SQOR: variants seen among roughly 807,000 people sequenced by gnomAD.
The protein encoded by SQOR is sulfide:quinone oxidoreductase, mitochondrial.
Under a neutral mutation model 48.6 loss-of-function variants are expected in SQOR, and 39 were observed. The observed-to-expected ratio is 0.80, with a 90% CI of 0.62 to 1.05. The LOEUF (loss-of-function observed/expected upper bound fraction) is 1.05. Among genes scored for constraint, SQOR ranks in the 50% least tolerant of loss-of-function variants. The pLI is 0.00. For synonymous variants in SQOR, 220 were observed against 206.2 expected, an observed-to-expected ratio of 1.07 and a Z score of -0.57; for missense variants, 561 against 559.9, an observed-to-expected ratio of 1.00 and a Z score of -0.02.
At chr15:45,681,761 A>G (rs944094756) in intron 6 of SQOR, among the ~76,000 whole-genome samples, 1 of 152,182 alleles carries the variant, frequency 6.6e-6, no homozygotes, top group East Asian at 1.9e-4. Flanking sequence ...AAAAAATTAA[A>G]TGAGCCCTCA....
intron 1 of SQOR, among the ~76,000 whole-genome samples, chr15:45,651,975 C>T (rs113326025): frequency 0.011 from 1,623 of 150,794 alleles, 14 homozygotes; most frequent in Admixed American, 0.015. Flanking sequence ...TGCAACCCCC[C>T]GCCTCCTGGG....
chr15:45,686,124 G>A (rs1890219731), intron 7 of SQOR, among the ~76,000 whole-genome samples: 2 of 151,686 alleles, frequency 1.3e-5, no homozygotes, highest in African/African-American at 4.8e-5. Context: ...GGGATTATAG[G>A]CATTAGCCAC....
chr15:45,666,856 TCTCCCCTCCC>T (rs1187082458), intron 3 of SQOR, among the ~76,000 whole-genome samples: 2 of 10,756 alleles, frequency 1.9e-4, no homozygotes, highest in South Asian at 9.6e-3. Context: ...CCTCCTCTCC[TCTCCCCTCCC>T]CTCCCCTCCC....
chr15:45,650,584 T>G (rs1298195847), intron 1 of SQOR, among the ~76,000 whole-genome samples: 5 of 152,204 alleles, frequency 3.3e-5, no homozygotes, highest in South Asian at 4.1e-4. Flanking sequence ...CTGCCACCGC[T>G]CGCTCGGGCA....
intron 7 of SQOR, among the ~76,000 whole-genome samples, chr15:45,684,078 A>AT (rs35433736): frequency 6.6e-6 from 1 of 151,502 alleles, no homozygotes; most frequent in Admixed American, 6.6e-5. Context: ...CACCTGGCTA[A>AT]TTTTTTTTAT....
At chr15:45,634,035 G>T (rs1007097638), upstream of SQOR, among the ~76,000 whole-genome samples, 1 of 150,860 alleles carries the variant, frequency 6.6e-6, no homozygotes, top group Non-Finnish European at 1.5e-5. Flanking sequence ...AATTAGCCGG[G>T]CATGGTGGCA....
intron 2 of SQOR, among the ~76,000 whole-genome samples, chr15:45,661,029 C>T (rs1057158611): frequency 6.6e-6 from 1 of 152,118 alleles, no homozygotes; most frequent in Non-Finnish European, 1.5e-5. Context: ...GGGCTGTAAT[C>T]CCAGCACTTT....
intron 1 of SQOR, among the ~76,000 whole-genome samples, chr15:45,646,351 C>T (rs543589420): frequency 7.2e-5 from 11 of 152,274 alleles, no homozygotes; most frequent in African/African-American, 2.4e-4. Flanking sequence ...AAAAGTTGCT[C>T]GTCAGAAAAA....
chr15:45,688,214 C>CAAT, intron 7 of SQOR, 123 bp from the exon 8 acceptor site: 1 of 654,508 alleles, frequency 1.5e-6, no homozygotes, highest in Non-Finnish European at 2.6e-6. Context: ...AGGTCATGTT[C>CAAT]TAGTCACAGT....
rs78849786 is a variant in SQOR, at chr15:45,682,454, T to C, written c.865-24T>C. 5,295 of 1,612,216 alleles carry C rather than the reference T, an allele frequency of 3.3e-3. 156 individuals carry two copies. In the African/African-American group the frequency reaches 0.062, roughly 19 times the overall value. ...TGTAGAAATATTGAATAAATGAAAA[T>C]GTGGATTCTCTCTTTGTGTGTAGTA... On this transcript the variant is annotated intron_variant, in intron 6 of 9. Transcript: ENST00000260324.
intron 1 of SQOR, among the ~76,000 whole-genome samples, chr15:45,652,601 G>A (rs965578519): frequency 2.2e-5 from 3 of 138,524 alleles, no homozygotes; most frequent in Non-Finnish European, 1.5e-5. Context: ...GCCCACCTCA[G>A]CCTCCCTAAA....
chr15:45,651,458 G>C (rs370044354), intron 1 of SQOR, among the ~76,000 whole-genome samples: 3 of 152,230 alleles, frequency 2.0e-5, no homozygotes, highest in Non-Finnish European at 4.4e-5. Context: ...CCCCCACAGC[G>C]CAGTGGCGGC....
chr15:45,682,405 A>G (rs539270105), intron 6 of SQOR, 73 bp from the exon 7 acceptor site: 1 of 1,515,118 alleles, frequency 6.6e-7, no homozygotes, highest in Non-Finnish European at 9.0e-7. Context: ...AGAGTAAGGA[A>G]GGTAGGGGGA....
At chr15:45,631,409 A>G (rs1287765279), upstream of SQOR, among the ~76,000 whole-genome samples, 1 of 152,112 alleles carries the variant, frequency 6.6e-6, no homozygotes, top group Non-Finnish European at 1.5e-5. Context: ...ACTCATTCCC[A>G]GCTCTCCCAC....
intron 6 of SQOR, 48 bp from the exon 7 acceptor site, chr15:45,682,430 G>A (rs2289578): frequency 0.16 from 256,015 of 1,599,432 alleles, 24,152 homozygotes; most frequent in East Asian, 0.41. Flanking sequence ...TTGTGGAGCT[G>A]TAGAAATATT....
chr15:45,648,152 C>T (rs1318568928), intron 1 of SQOR, among the ~76,000 whole-genome samples: 1 of 151,844 alleles, frequency 6.6e-6, no homozygotes, highest in Non-Finnish European at 1.5e-5. Context: ...GTTATTATTT[C>T]AATGATAGTT....
chr15:45,649,213 C>G (rs879545003), intron 1 of SQOR, among the ~76,000 whole-genome samples: 5 of 152,140 alleles, frequency 3.3e-5, no homozygotes, highest in Non-Finnish European at 7.3e-5. Context: ...CTTGTCCAGA[C>G]CAGGTCTGGA....
intron 2 of SQOR, among the ~76,000 whole-genome samples, 161 bp from the exon 3 acceptor site, chr15:45,661,793 AG>A (rs1889725153): frequency 6.6e-6 from 1 of 152,332 alleles, no homozygotes; most frequent in East Asian, 1.9e-4. Flanking sequence ...TTACCATAAT[AG>A]GAGACGCCTA....
chr15:45,676,023 T>C, intron 5 of SQOR, 78 bp from the exon 6 acceptor site: 2 of 1,424,294 alleles, frequency 1.4e-6, no homozygotes, highest in Non-Finnish European at 1.9e-6. Context: ...CTGAGGGTTT[T>C]AATTCTTGTC....
Sources: gnomAD v4.1 joint callset for allele counts (sites outside exome capture counted in the v4.1 genomes callset) on GRCh38, gnomAD v4.1.1 for gene constraint, MANE v1.5 for transcripts, NCBI Gene and HGNC (gene_info 2026-07-23, HGNC 2026-07-21) for gene names.